Variants in GLIS3 observed in about 807,000 individuals in gnomAD.
GLIS3 encodes the protein GLIS family zinc finger 3.
In GLIS3, 53 loss-of-function variants were observed where a neutral mutation model predicts 78.6. That is an observed-to-expected ratio of 0.67 (90% CI 0.54 to 0.85). The LOEUF (loss-of-function observed/expected upper bound fraction) is 0.85. GLIS3 is among the 40% of genes least tolerant of loss of function. The pLI, the probability that GLIS3 is intolerant of heterozygous loss-of-function variation, is 0.00. For synonymous variants in GLIS3, 684 were observed against 509.9 expected (o/e 1.34, Z -4.60); for missense variants, 1,703 against 1,231.1 (o/e 1.38, Z -5.74).
rs185775821 is a variant in GLIS3 at position 3,838,796 on chromosome 9, C to A, written c.2474-9304G>T. ...AAATGTCCTCACTCCCCTTGGCTCC[C>A]TTCATTTCTTCTCCAACACTCGGGA... On this transcript the variant is annotated intron_variant, in intron 9 of 10. Coordinates refer to ENST00000381971, the MANE Select transcript of GLIS3 (RefSeq NM_001042413.2). 2.0e-5 allele frequency among the ~76,000 whole-genome samples: 3 copies of A among 152,306 alleles called. No homozygotes were observed. The East Asian group carries it at 5.8e-4, about 29-fold the overall frequency.
intron 2 of GLIS3, among the ~76,000 whole-genome samples, chr9:4,260,492 G>T (rs964171521): frequency 1.3e-5 from 2 of 151,866 alleles, no homozygotes; most frequent in Non-Finnish European, 2.9e-5. Flanking sequence ...GCTTGAACTC[G>T]GGGGGCAGAG....
At chr9:4,208,021 T>C (rs1235560894) in intron 2 of GLIS3, among the ~76,000 whole-genome samples, 2 of 152,178 alleles carry the variant, frequency 1.3e-5, no homozygotes, top group Non-Finnish European at 2.9e-5. Flanking sequence ...TCAATAACCA[T>C]TCTGTACACC....
In GLIS3 at chr9:3,999,016, T is replaced by C. The variant is rs77095562; in HGVS notation, c.1711-61827A>G. On this transcript the variant is annotated intron_variant, in intron 4 of 10. Coordinates refer to ENST00000381971, the MANE Select transcript of GLIS3 (RefSeq NM_001042413.2). The stretch of plus-strand genomic sequence containing the variant: ...ATAAAGTTACTTCCCTTTCTTTCTA[T>C]AAAAAAAGGTGGTATAAAATACATA... Among the ~76,000 whole-genome samples, 1,503 of 151,962 alleles carry C rather than the reference T, an allele frequency of 9.9e-3. 32 individuals are homozygous for C. The highest frequency in any genetic ancestry group is 0.034 in the African/African-American group (1,412 of 41,494).
intron 2 of GLIS3, among the ~76,000 whole-genome samples, chr9:4,314,044 G>A (rs900901171): frequency 6.6e-6 from 1 of 152,180 alleles, no homozygotes; most frequent in Non-Finnish European, 1.5e-5. Context: ...CTGAGTTTAA[G>A]CCAACTCTAG....
intron 2 of GLIS3, among the ~76,000 whole-genome samples, chr9:4,284,877 C>T (rs976250402): frequency 7.2e-5 from 11 of 152,106 alleles, no homozygotes; most frequent in African/African-American, 1.7e-4. Flanking sequence ...CAAGATCATG[C>T]CACTGTACTC....
intron 1 of GLIS3, among the ~76,000 whole-genome samples, chr9:4,347,530 T>C (rs1056649125): frequency 1.1e-4 from 16 of 152,198 alleles, no homozygotes; most frequent in Admixed American, 1.0e-3. Flanking sequence ...TCAGAAGACC[T>C]GGAAGTGGAG....
rs139497581 is a variant in GLIS3 at position 3,968,392 on chromosome 9, G to C, written c.1711-31203C>G. On this transcript the variant is annotated intron_variant, in intron 4 of 10. Transcript: ENST00000381971. ...ATAATACAGAAAGCATATCAGTTAA[G>C]CAACAAACAAAATTTTTTTAAAGGA... 6.4e-3 allele frequency among the ~76,000 whole-genome samples: 976 copies of C among 152,166 alleles called. 11 individuals are homozygous for C. The highest frequency in any genetic ancestry group is 0.022 in the African/African-American group (924 of 41,528).
intron 4 of GLIS3, among the ~76,000 whole-genome samples, chr9:4,052,449 C>A (rs952391893): frequency 6.6e-6 from 1 of 152,146 alleles, no homozygotes; most frequent in Non-Finnish European, 1.5e-5. Context: ...ATTTTCATTA[C>A]CCTGAAAGAA....
At chr9:4,280,811 T>C (rs1239513313) in intron 2 of GLIS3, among the ~76,000 whole-genome samples, 1 of 151,800 alleles carries the variant, frequency 6.6e-6, no homozygotes, top group African/African-American at 2.4e-5. Context: ...TTGTGCAATC[T>C]AGAAGAAGAC....
intron 7 of GLIS3, among the ~76,000 whole-genome samples, chr9:3,884,163 G>GA (rs1406484885): frequency 1.3e-5 from 2 of 152,296 alleles, no homozygotes; most frequent in African/African-American, 4.8e-5. Context: ...TTGTCCAAAT[G>GA]AAAACCATTA....
chr9:4,320,010 T>A (rs1587383761), intron 2 of GLIS3, among the ~76,000 whole-genome samples: 1 of 42,548 alleles, frequency 2.4e-5, no homozygotes, highest in Admixed American at 2.3e-4. Context: ...TGTGTGTGTG[T>A]GTGTGTGTGT....
intron 2 of GLIS3, among the ~76,000 whole-genome samples, chr9:4,263,742 G>A (rs1179647462): frequency 3.3e-5 from 5 of 152,130 alleles, no homozygotes; most frequent in African/African-American, 7.2e-5. Flanking sequence ...CTTATCTGAC[G>A]TCTCAGCAAC....
At chr9:4,262,660 T>C (rs976503196) in intron 2 of GLIS3, among the ~76,000 whole-genome samples, 12 of 152,130 alleles carry the variant, frequency 7.9e-5, no homozygotes, top group African/African-American at 1.4e-4. Flanking sequence ...CATTCTTATA[T>C]AGCCAAAATT....
intron 4 of GLIS3, among the ~76,000 whole-genome samples, chr9:4,056,458 G>C (rs1466519644): frequency 1.3e-5 from 2 of 152,280 alleles, no homozygotes; most frequent in South Asian, 2.1e-4. Context: ...ATTTAGAATT[G>C]AAAGTTTCAA....
intron 2 of GLIS3, among the ~76,000 whole-genome samples, chr9:4,189,202 G>C (rs1270859256): frequency 2.0e-5 from 3 of 151,680 alleles, no homozygotes; most frequent in African/African-American, 4.8e-5. Context: ...TTGTGTCTTT[G>C]TTCTCGTTGG....
the GLIS3 span, among the ~76,000 whole-genome samples, chr9:4,464,555 A>G: frequency 6.6e-6 from 1 of 151,782 alleles, no homozygotes; most frequent in Non-Finnish European, 1.5e-5. Flanking sequence ...CCACAACACC[A>G]GCATAATTTT....
At position 4,115,094 on chromosome 9, in the gene GLIS3, A is replaced by G. The variant is rs73643708; in HGVS notation, c.1710+2674T>C. ...CCGTCACTGAGTAGCCCTCTCACAC[A>G]CCCCTATTTTACCATAACTTCCAGA... On this transcript the variant is annotated intron_variant, in intron 4 of 10. Coordinates refer to ENST00000381971, the MANE Select transcript of GLIS3 (RefSeq NM_001042413.2). Among the ~76,000 whole-genome samples, 1,377 of 152,166 alleles carry G rather than the reference A, an allele frequency of 9.0e-3. 14 individuals are homozygous for G. Among genetic ancestry groups the G allele is most frequent in the African/African-American group, 0.031 (1,307 of 41,504 alleles).
chr9:3,965,626 C>A (rs188672118), intron 4 of GLIS3, among the ~76,000 whole-genome samples: 3 of 152,126 alleles, frequency 2.0e-5, no homozygotes, highest in African/African-American at 7.2e-5. Context: ...AACCTCCTGA[C>A]GAAACATGTG....
chr9:3,888,956 G>C (rs531962101), intron 7 of GLIS3, among the ~76,000 whole-genome samples: 1 of 152,282 alleles, frequency 6.6e-6, no homozygotes, highest in African/African-American at 2.4e-5. Context: ...ATCCCTGTTA[G>C]AATGTGACTA....
Sources: allele counts gnomAD v4.1 joint callset (sites outside exome capture counted in the v4.1 genomes callset), GRCh38; gene constraint gnomAD v4.1.1; transcripts MANE v1.5; gene names NCBI Gene and HGNC (gene_info 2026-07-23, HGNC 2026-07-21).